Variants in TRMT44 observed in about 807,000 individuals in gnomAD.
TRMT44 encodes the protein tRNA methyltransferase 44 homolog, also known as probable tRNA (uracil-O(2)-)-methyltransferase.
In TRMT44, 78 loss-of-function variants were observed where a neutral mutation model predicts 77.3. The observed-to-expected ratio is 1.01, with a 90% CI of 0.84 to 1.22. TRMT44 has a LOEUF of 1.22. Among genes scored for constraint, TRMT44 ranks in the 50% most tolerant of loss-of-function variants. TRMT44 has a pLI of 0.00. For missense variants in TRMT44, 1,090 were observed against 964.4 expected (o/e 1.13, Z -1.73); for synonymous variants, 391 against 383.3 (o/e 1.02, Z -0.23).
intron 2 of TRMT44, among the ~76,000 whole-genome samples, chr4:8,485,513 G>T (rs1376554731): frequency 1.3e-5 from 2 of 152,174 alleles, no homozygotes; most frequent in Non-Finnish European, 2.9e-5. Context: ...CGTGCTGTGG[G>T]ATGGGATATT....
chr4:8,465,018 T>G (rs1401170484), intron 7 of TRMT44, among the ~76,000 whole-genome samples: 2 of 151,910 alleles, frequency 1.3e-5, no homozygotes, highest in Non-Finnish European at 2.9e-5. Flanking sequence ...AAACATTGAG[T>G]ACACAGGGAC....
chr4:8,460,628 A>G (rs1293326086), intron 6 of TRMT44, among the ~76,000 whole-genome samples: 1 of 149,510 alleles, frequency 6.7e-6, no homozygotes, highest in African/African-American at 2.5e-5. Context: ...ATCTCGGCTC[A>G]CTGCAGCCTC....
chr4:8,490,863 G>A (rs925212345), intron 2 of TRMT44, among the ~76,000 whole-genome samples: 1 of 152,172 alleles, frequency 6.6e-6, no homozygotes, highest in African/African-American at 2.4e-5. Context: ...GGTGCTGATT[G>A]GTGCGTTTAC....
rs1727363088 is a variant in TRMT44, at chr4:8,476,024, C to A, written c.*23C>A. On this transcript the variant is annotated 3_prime_UTR_variant, in exon 11 of 11. Coordinates refer to ENST00000389737, the MANE Select transcript of TRMT44 (RefSeq NM_152544.3). ...TGAGCTGCATCCTTGCCAGCCGAGG[C>A]CTGGTTGGGGAGGCCAAACCAAGGA... The A allele has an allele frequency of 1.9e-6, 3 of 1,608,550 alleles. No homozygotes were observed. In the African/African-American group the frequency reaches 4.0e-5, roughly 21 times the overall value.
At chr4:8,466,321 G>A (rs1288666339) in intron 8 of TRMT44, among the ~76,000 whole-genome samples, 15 of 151,054 alleles carry the variant, frequency 9.9e-5, no homozygotes, top group East Asian at 3.8e-4. Context: ...TGGTGCACTC[G>A]GGCTGATCGC....
At chr4:8,511,966 C>G in the TRMT44 span, 1 of 152,210 alleles carries the variant, frequency 6.6e-6, no homozygotes, top group Non-Finnish European at 1.5e-5. Context: ...TTGCTCTAAT[C>G]TATCCCTGCA....
At position 8,489,630 on chromosome 4, in the gene TRMT44, C is replaced by T. The variant is rs577897509; in HGVS notation, n.3892-3636C>T. Among the ~76,000 whole-genome samples, 135 of 152,266 alleles carry T rather than the reference C, an allele frequency of 8.9e-4. 1 individual carries two copies. The highest frequency in any genetic ancestry group is 3.2e-3 in the African/African-American group (133 of 41,558). On this transcript the variant is annotated intron_variant and non_coding_transcript_variant, in intron 2 of 2. Coordinates refer to the TRMT44 transcript ENST00000511366. The stretch of plus-strand genomic sequence containing the variant: ...TGGCTGGGATTACAGGTGTTAGCCA[C>T]CACGCCTGGCTAATTTTTTGTATTT...
the TRMT44 span, among the ~76,000 whole-genome samples, chr4:8,499,719 T>C: frequency 4.6e-5 from 7 of 152,058 alleles, no homozygotes; most frequent in Admixed American, 4.6e-4. Flanking sequence ...ATGAGAACAG[T>C]GGGCAGAAAG....
At position 8,441,061 on chromosome 4, in the gene TRMT44, G is replaced by C; in HGVS notation, c.239G>C (p.Gly80Ala). 1 of 1,486,480 alleles carries C rather than the reference G, an allele frequency of 6.7e-7. No homozygotes were observed. The highest frequency in any genetic ancestry group is 8.9e-7 in the Non-Finnish European group (1 of 1,124,372). The allele number at this position is 1,486,480 out of a possible 1,614,324, so 92.1% of individuals were successfully genotyped here. ...RGPGPGQGSP[G>A]GGPGPRSLSG... Reference sequence around the variant, plus strand: ...CCGGGACCCGGCCAGGGTTCCCCCGGAGGGGGCCCGGGTCCCAGGTCGCTA... The same window carrying C: ...CCGGGACCCGGCCAGGGTTCCCCCGCAGGGGGCCCGGGTCCCAGGTCGCTA... The change falls in exon 1 of 11, where the codon GGA becomes GCA. Residue 80 changes from glycine to alanine, a missense_variant. By Grantham distance (60) the Gly-to-Ala change is moderately conservative. Transcript: ENST00000389737.
Position 8,444,554 on chromosome 4 carries a change from C to T in TRMT44, c.620-1922C>T, listed in dbSNP as rs575319766. On this transcript the variant is annotated intron_variant, in intron 1 of 10. Transcript: ENST00000389737. The surrounding 1 kb of genome is among the most constrained non-coding windows in gnomAD (Gnocchi z 4.0). The stretch of plus-strand genomic sequence containing the variant: ...CTGGGATTACAGGCATGTGCCACGA[C>T]GCCCAGCTAATTTTTGTATTTTTCG... 2.0e-5 allele frequency among the ~76,000 whole-genome samples: 3 copies of T among 152,226 alleles called. No homozygotes were observed. The highest frequency in any genetic ancestry group is 2.9e-5 in the Non-Finnish European group (2 of 68,010).
rs1725532836 is a variant in TRMT44 at position 8,452,726 on chromosome 4, C to A, written c.1024-156C>A. On this transcript the variant is annotated intron_variant, in intron 4 of 10. Transcript: ENST00000389737. The surrounding 1 kb of genome is among the most constrained non-coding windows in gnomAD (Gnocchi z 5.7). The stretch of plus-strand genomic sequence containing the variant: ...TCTAGCCTGGGCGGCAAGAGCAACA[C>A]TCCATCTCAAAAAAAGAAAAAAAAA... 2.0e-5 allele frequency among the ~76,000 whole-genome samples: 3 copies of A among 150,898 alleles called. No homozygotes were observed. The highest frequency in any genetic ancestry group is 1.3e-4 in the Admixed American group (2 of 15,194).
At chr4:8,478,300 T>C (rs112197548), downstream of TRMT44, 3,600 of 152,772 alleles carry the variant, frequency 0.024, 76 homozygotes, top group African/African-American at 0.056. Context: ...TCAGATGGGG[T>C]TGGGGGCATG....
In TRMT44 at chr4:8,451,061, C is replaced by T. The variant is rs1038113152; in HGVS notation, c.955-899C>T. Among the ~76,000 whole-genome samples the T allele has an allele frequency of 6.6e-6, 1 of 152,014 alleles. No individual in the cohort carries two copies. The highest frequency in any genetic ancestry group is 2.1e-4 in the South Asian group (1 of 4,820). ...TGGATTACAGGCTTGAGCCACTGCC[C>T]GGCTTCCATGTATTTTTTTAATCAG... is the stretch of plus-strand genomic sequence containing the variant. On this transcript the variant is annotated intron_variant, in intron 3 of 10. Transcript: ENST00000389737. This position sits in a 1 kb window ranked among gnomAD's most constrained non-coding sequence, Gnocchi z 4.1.
rs764509466 is a variant in TRMT44 at position 8,471,072 on chromosome 4, G to C, written c.1928-12G>C. The C allele has an allele frequency of 5.1e-6, 8 of 1,566,342 alleles. No homozygotes were observed. The highest frequency in any genetic ancestry group is 6.9e-6 in the Non-Finnish European group (8 of 1,158,952). On this transcript the variant is annotated splice_polypyrimidine_tract_variant and intron_variant, in intron 9 of 10. Coordinates refer to ENST00000389737, the MANE Select transcript of TRMT44 (RefSeq NM_152544.3). Reference sequence around the variant, plus strand: ...GTTGTTTTGGGGAAAAAAAAAACCCGTTTTTCCACAGAGAGCCTATCTCTG... The same window carrying C: ...GTTGTTTTGGGGAAAAAAAAAACCCCTTTTTCCACAGAGAGCCTATCTCTG...
intron 2 of TRMT44, among the ~76,000 whole-genome samples, chr4:8,484,357 C>T (rs1410580858): frequency 3.3e-5 from 5 of 151,962 alleles, no homozygotes. Flanking sequence ...GCTGAAGGAG[C>T]CGGAGAGCAG....
At chr4:8,480,083 G>A (rs1046675444), downstream of TRMT44, among the ~76,000 whole-genome samples, 6 of 152,120 alleles carry the variant, frequency 3.9e-5, no homozygotes, top group African/African-American at 1.4e-4. Context: ...CGGTCCTCCT[G>A]TTAGGGGTGG....
At chr4:8,470,648 C>A (rs766176188) in intron 9 of TRMT44, among the ~76,000 whole-genome samples, 5 of 152,148 alleles carry the variant, frequency 3.3e-5, no homozygotes, top group Non-Finnish European at 7.4e-5. Context: ...GAGCCGGTAG[C>A]GCCAGGCTGG....
chr4:8,494,261 T>A (rs1230630780), downstream of TRMT44, among the ~76,000 whole-genome samples: 1 of 151,676 alleles, frequency 6.6e-6, no homozygotes, highest in African/African-American at 2.4e-5. Context: ...AGGAAATTCC[T>A]TGTGGGCCCC....
At chr4:8,469,824 C>A (rs1358623083) in intron 9 of TRMT44, among the ~76,000 whole-genome samples, 1 of 152,264 alleles carries the variant, frequency 6.6e-6, no homozygotes, top group East Asian at 1.9e-4. Context: ...GTCGCCCCCA[C>A]CCAGCCTGTC....
Sources: gnomAD v4.1 joint callset for allele counts (sites outside exome capture counted in the v4.1 genomes callset) on GRCh38, gnomAD v4.1.1 for gene constraint, Gnocchi (gnomAD v3.1) non-coding constraint, MANE v1.5 for transcripts, NCBI Gene and HGNC (gene_info 2026-07-23, HGNC 2026-07-21) for gene names.